ZRANB1: variants seen among roughly 807,000 people sequenced by gnomAD.
ZRANB1 encodes ubiquitin thioesterase ZRANB1.
ZRANB1 carries 16 observed loss-of-function variants against 80.5 expected under a neutral mutation model. The ratio of observed to expected loss-of-function variants is 0.20; its 90% CI spans 0.13 to 0.30. The LOEUF is 0.30. Among genes scored for constraint, ZRANB1 ranks in the 10% least tolerant of loss-of-function variants. The pLI, the probability that ZRANB1 is intolerant of heterozygous loss-of-function variation, is 1.00. For missense variants in ZRANB1, 576 were observed against 862.6 expected, an observed-to-expected ratio of 0.67 and a Z score of 4.16; for synonymous variants, 291 against 293.1, an observed-to-expected ratio of 0.99 and a Z score of 0.07.
At chr10:124,941,001 A>G (rs1411424528), upstream of ZRANB1, among the ~76,000 whole-genome samples, 2 of 137,926 alleles carry the variant, frequency 1.5e-5, no homozygotes, top group Non-Finnish European at 2.9e-5. Context: ...CAAAAATGAA[A>G]ACAACAACAA....
At chr10:124,970,730 T>C (rs1246756215) in intron 2 of ZRANB1, among the ~76,000 whole-genome samples, 1 of 152,028 alleles carries the variant, frequency 6.6e-6, no homozygotes, top group African/African-American at 2.4e-5. Flanking sequence ...GACCTGTTGC[T>C]TCACACCCCA....
chr10:124,922,244 T>TTATATATATATGTAAAATATA, the ZRANB1 span, among the ~76,000 whole-genome samples: 71 of 119,078 alleles, frequency 6.0e-4, no homozygotes, highest in African/African-American at 2.4e-3. Context: ...TGAGCCCAAA[T>TTATATATATATGTAAAATATA]TATATATATA....
chr10:124,972,537 T>C (rs890071696), intron 3 of ZRANB1, among the ~76,000 whole-genome samples: 1 of 152,236 alleles, frequency 6.6e-6, no homozygotes, highest in Non-Finnish European at 1.5e-5. Context: ...CATGAGCTTT[T>C]GATGGGTAGA....
chr10:124,925,742 G>A, the ZRANB1 span, among the ~76,000 whole-genome samples: 1 of 152,140 alleles, frequency 6.6e-6, no homozygotes, highest in East Asian at 1.9e-4. Flanking sequence ...TATAATTTGA[G>A]GCAGAGGTCC....
At chr10:124,920,272 T>A in the ZRANB1 span, among the ~76,000 whole-genome samples, 2 of 152,216 alleles carry the variant, frequency 1.3e-5, no homozygotes, top group African/African-American at 4.8e-5. Flanking sequence ...TGCCTCTTCC[T>A]TTCCAATAAT....
chr10:124,957,518 C>T (rs1221346684), intron 1 of ZRANB1, among the ~76,000 whole-genome samples: 1 of 152,070 alleles, frequency 6.6e-6, no homozygotes, highest in Non-Finnish European at 1.5e-5. Context: ...AGCTTTTTTA[C>T]ATCTTGGAAA....
the ZRANB1 span, among the ~76,000 whole-genome samples, chr10:124,922,304 T>TATATGTAAAATAC: frequency 1.2e-5 from 1 of 82,052 alleles, no homozygotes; most frequent in Non-Finnish European, 2.6e-5. Context: ...ATGTAAAATA[T>TATATGTAAAATAC]ATATATATAT....
At chr10:124,947,397 A>G (rs1049164346) in intron 1 of ZRANB1, among the ~76,000 whole-genome samples, 1 of 152,188 alleles carries the variant, frequency 6.6e-6, no homozygotes, top group Non-Finnish European at 1.5e-5. Flanking sequence ...GAGCAGCACT[A>G]CCTAATGCCC....
upstream of ZRANB1, among the ~76,000 whole-genome samples, chr10:124,937,477 C>T (rs1015703886): frequency 1.9e-4 from 25 of 132,916 alleles, no homozygotes; most frequent in Non-Finnish European, 3.3e-4. Context: ...TCAGCCATTG[C>T]GCCCCACCGA....
intron 1 of ZRANB1, among the ~76,000 whole-genome samples, chr10:124,949,290 A>C (rs1951610775): frequency 6.6e-6 from 1 of 152,062 alleles, no homozygotes; most frequent in South Asian, 2.1e-4. Flanking sequence ...CGTTTATCTT[A>C]CTTCCTAAAC....
intron 1 of ZRANB1, among the ~76,000 whole-genome samples, chr10:124,953,860 T>C (rs984885161): frequency 2.6e-5 from 4 of 152,174 alleles, no homozygotes; most frequent in Non-Finnish European, 2.9e-5. Flanking sequence ...TATGGCTACT[T>C]TTTAAGTGCT....
Position 124,967,830 on chromosome 10 carries a change from A to C in ZRANB1, c.1002+1049A>C, listed in dbSNP as rs74160987. Reference sequence around the variant, plus strand: ...CAGTTTCTGGCTTACATAACTAGGTACATGCTACCAATGATAGAGATTGTG... The same window carrying C: ...CAGTTTCTGGCTTACATAACTAGGTCCATGCTACCAATGATAGAGATTGTG... On this transcript the variant is annotated intron_variant, in intron 2 of 8. Coordinates refer to ENST00000359653, the MANE Select transcript of ZRANB1 (RefSeq NM_017580.3). Among the ~76,000 whole-genome samples the C allele has an allele frequency of 3.9e-3, 594 of 152,250 alleles. 2 individuals are homozygous for C. The highest frequency in any genetic ancestry group is 0.012 in the African/African-American group (502 of 41,538).
At chr10:124,962,319 C>G (rs939523613) in intron 1 of ZRANB1, 22 of 955,420 alleles carry the variant, frequency 2.3e-5, no homozygotes, top group Non-Finnish European at 2.7e-5. Flanking sequence ...GACTCCAGGT[C>G]CACCCTGACC....
chr10:124,984,100 G>A (rs1341830809), intron 8 of ZRANB1, among the ~76,000 whole-genome samples: 1 of 151,920 alleles, frequency 6.6e-6, no homozygotes, highest in Non-Finnish European at 1.5e-5. Context: ...GGGATGGGGG[G>A]GAGTTCATTG....
chr10:124,969,204 G>A (rs1022515152), intron 2 of ZRANB1, among the ~76,000 whole-genome samples: 10 of 152,202 alleles, frequency 6.6e-5, no homozygotes, highest in African/African-American at 2.4e-4. Context: ...TTTGAAACCT[G>A]CAGTGTCTTT....
intron 5 of ZRANB1, among the ~76,000 whole-genome samples, chr10:124,978,317 CT>C (rs1951898752): frequency 6.6e-6 from 1 of 152,118 alleles, no homozygotes; most frequent in Admixed American, 6.6e-5. Flanking sequence ...GCTGAGGTGC[CT>C]TTTGCACTTA....
intron 1 of ZRANB1, among the ~76,000 whole-genome samples, chr10:124,955,508 T>C (rs1178539474): frequency 6.6e-6 from 1 of 152,186 alleles, no homozygotes; most frequent in Non-Finnish European, 1.5e-5. Flanking sequence ...CAATGCTTTG[T>C]AGTCCTTGGC....
At chr10:124,978,213 A>G (rs984289233) in intron 5 of ZRANB1, among the ~76,000 whole-genome samples, 6 of 152,204 alleles carry the variant, frequency 3.9e-5, no homozygotes, top group African/African-American at 7.2e-5. Context: ...TCATGTGACC[A>G]GTAGAGAGTA....
In ZRANB1 at chr10:124,962,388, G is replaced by A. The variant is rs543549909; in HGVS notation, c.815-4206G>A. 6.1e-6 allele frequency: 6 copies of A among 985,374 alleles called. No homozygotes were observed. The South Asian group carries it at 2.3e-4, about 39-fold the overall frequency. The allele number at this position is 985,374 out of a possible 1,614,324, so 61.0% of individuals were successfully genotyped here. On this transcript the variant is annotated intron_variant, in intron 1 of 8. Coordinates refer to ENST00000359653, the MANE Select transcript of ZRANB1 (RefSeq NM_017580.3). ...ACCATAGAACTCCAGGGTAGTGTTG[G>A]GCTGGCCCATGTGGGCTCAGGTAAG...
Sources: gnomAD v4.1 joint callset for allele counts (sites outside exome capture counted in the v4.1 genomes callset) on GRCh38, gnomAD v4.1.1 for gene constraint, MANE v1.5 for transcripts, NCBI Gene and HGNC (gene_info 2026-07-23, HGNC 2026-07-21) for gene names.